KBTBD2: variants seen among roughly 807,000 people sequenced by gnomAD.
KBTBD2 encodes the protein kelch repeat and BTB domain-containing protein 2.
In KBTBD2, 17 loss-of-function variants were observed where a neutral mutation model predicts 57.1. The observed-to-expected ratio is 0.30, with a 90% CI of 0.20 to 0.45. KBTBD2 has a LOEUF of 0.45. Ranked by LOEUF, KBTBD2 falls within the 20% of genes least tolerant of loss-of-function variation. The pLI is 1.00. For synonymous variants in KBTBD2, 267 were observed against 262.7 expected (o/e 1.02, Z -0.16); for missense variants, 515 against 750.6 (o/e 0.69, Z 3.67).
chr7:32,877,347 T>A (rs1283803739), intron 2 of KBTBD2, among the ~76,000 whole-genome samples: 1 of 152,190 alleles, frequency 6.6e-6, no homozygotes. Context: ...TTCATAATAT[T>A]GTAACAGGCT....
At position 32,870,820 on chromosome 7, in the gene KBTBD2, A is replaced by G; in HGVS notation, c.397T>C (p.Cys133Arg). Residue 133 changes from cysteine to arginine, a missense_variant, in exon 4 of 4, where the codon TGT becomes CGT. Physicochemically the swap from Cys to Arg is radical, Grantham distance 180. Coordinates refer to ENST00000304056, the MANE Select transcript of KBTBD2 (RefSeq NM_015483.3). ...YLIKKINAEN[C>R]VRLLSFADLF... ...TCAGCAAAACTCAACAATCGTACAC[A>G]ATTCTCTGCATTTATTTTTTTAATT... is the stretch of plus-strand genomic sequence containing the variant. 2 of 1,605,198 alleles carry G rather than the reference A, an allele frequency of 1.2e-6. No homozygotes were observed. The highest frequency in any genetic ancestry group is 1.7e-6 in the Non-Finnish European group (2 of 1,177,762).
chr7:32,886,205 C>A (rs1348212411), intron 1 of KBTBD2, among the ~76,000 whole-genome samples: 1 of 152,132 alleles, frequency 6.6e-6, no homozygotes, highest in African/African-American at 2.4e-5. Flanking sequence ...CCACCACGTC[C>A]GGCCTCTACC....
chr7:32,887,423 AC>A (rs1784607957), intron 1 of KBTBD2, among the ~76,000 whole-genome samples: 1 of 152,252 alleles, frequency 6.6e-6, no homozygotes, highest in Non-Finnish European at 1.5e-5. Flanking sequence ...ACATGAGGTG[AC>A]AGATGTAAAT....
Position 32,870,554 on chromosome 7 carries a change from T to C in KBTBD2, c.663A>G (p.Arg221=). Reference sequence around the variant, plus strand: ...GTGTTACTTCTGAAAGTGCATCAATTCTGATTTGGCTAAGAACAGAAGACA... The same window carrying C: ...GTGTTACTTCTGAAAGTGCATCAATCCTGATTTGGCTAAGAACAGAAGACA... ...QYLSSVLSQI[R]IDALSEVTQR... Residue 221 remains arginine, a synonymous_variant, in exon 4 of 4, where the codon AGA becomes AGG. Transcript: ENST00000304056. The C allele has an allele frequency of 6.2e-7, 1 of 1,614,164 alleles. No homozygotes were observed. Among genetic ancestry groups the C allele is most frequent in the South Asian group, 1.1e-5 (1 of 91,076 alleles).
chr7:32,873,842 C>A (rs1366100692), intron 3 of KBTBD2, among the ~76,000 whole-genome samples: 1 of 152,246 alleles, frequency 6.6e-6, no homozygotes, highest in Non-Finnish European at 1.5e-5. Flanking sequence ...AACAGATTTA[C>A]ATTCCCATCA....
intron 1 of KBTBD2, among the ~76,000 whole-genome samples, chr7:32,885,004 A>ATATATATATATACACACATATATGTG (rs1562537563): frequency 2.9e-5 from 2 of 68,956 alleles, no homozygotes; most frequent in African/African-American, 3.0e-4. Flanking sequence ...ATATATGTGT[A>ATATATATATATACACACATATATGTG]TATATATATA....
At chr7:32,877,019 TTTTC>T (rs1784329305) in intron 2 of KBTBD2, among the ~76,000 whole-genome samples, 2 of 121,720 alleles carry the variant, frequency 1.6e-5, no homozygotes, top group Non-Finnish European at 3.3e-5. Context: ...GATCTGGTGC[TTTTC>T]TTTTTCTTTT....
intron 1 of KBTBD2, among the ~76,000 whole-genome samples, chr7:32,886,328 C>T (rs1443663045): frequency 6.6e-6 from 1 of 152,212 alleles, no homozygotes; most frequent in Non-Finnish European, 1.5e-5. Context: ...GCTTCTAATA[C>T]ATTTTCTCTA....
chr7:32,888,650 G>C (rs1412016426), intron 1 of KBTBD2, among the ~76,000 whole-genome samples: 1 of 148,148 alleles, frequency 6.8e-6, no homozygotes, highest in African/African-American at 2.5e-5. Flanking sequence ...AGCCGAGATC[G>C]CATCACTGCA....
At position 32,870,740 on chromosome 7, in the gene KBTBD2, C is replaced by A; in HGVS notation, c.477G>T (p.Lys159Asn). The change falls in exon 4 of 4, where the codon AAG (lysine) becomes AAT (asparagine). Residue 159 changes from lysine (K) to asparagine (N), a missense_variant. Lys to Asn is a moderately conservative substitution (Grantham distance 94). Transcript: ENST00000304056. ...KQSAKRMVEH[K>N]FTAVYHQDAF... ...CGTCCTGATGATACACAGCAGTGAA[C>A]TTGTGCTCCACCATTCTTTTAGCAC... 6.2e-7 allele frequency: 1 copy of A among 1,614,202 alleles called. No individual in the cohort carries two copies.
intron 3 of KBTBD2, among the ~76,000 whole-genome samples, chr7:32,873,301 C>T (rs1015571645): frequency 6.9e-6 from 1 of 145,566 alleles, no homozygotes; most frequent in African/African-American, 2.6e-5. Flanking sequence ...GGTCACATAG[C>T]CATTATAAAT....
rs1562540834 is a variant in KBTBD2, at chr7:32,891,674, G to A, written c.-477C>T. The A allele has an allele frequency of 6.7e-6, 1 of 149,288 alleles. No homozygotes were observed. The highest frequency in any genetic ancestry group is 2.5e-5 in the African/African-American group (1 of 40,612). 9.2% of individuals were successfully genotyped at this position (149,288 alleles called of 1,614,324 possible). The stretch of plus-strand genomic sequence containing the variant: ...GGTCTCGCCTCCGCCTCCGGCCGAG[G>A]AAGGCTGGCGCCGCCGCCTCTTCCT... On this transcript the variant is annotated 5_prime_UTR_variant, in exon 1 of 4. Transcript: ENST00000304056.
Position 32,869,813 on chromosome 7 carries a change from A to G in KBTBD2, c.1404T>C (p.Gly468=). Residue 468 remains glycine (G), a synonymous_variant, in exon 4 of 4, where the codon GGT becomes GGC. Transcript: ENST00000304056. ...SRSFASAAAF[G]DKIFYIGGLH... is the part of the protein sequence containing the mutation. ...ACCCTCCAATATAGAAAATTTTATC[A>G]CCAAAAGCTGCAGCTGAAGCAAAGG... is the stretch of plus-strand genomic sequence containing the variant. 2 of 1,613,848 alleles carry G rather than the reference A, an allele frequency of 1.2e-6. No homozygotes were observed. The highest frequency in any genetic ancestry group is 8.5e-7 in the Non-Finnish European group (1 of 1,179,998).
rs921983097 is a variant in KBTBD2 at position 32,889,883 on chromosome 7, G to A, written c.-339+1653C>T. On this transcript the variant is annotated intron_variant, in intron 1 of 3. Transcript: ENST00000304056. Reference sequence around the variant, plus strand: ...TTTAAGACTGCATTCAAGTTTCTAGGAATTCACCTTGCACATTCAATGTTC... The same window carrying A: ...TTTAAGACTGCATTCAAGTTTCTAGAAATTCACCTTGCACATTCAATGTTC... Among the ~76,000 whole-genome samples, 3 of 152,256 alleles carry A rather than the reference G, an allele frequency of 2.0e-5. No individual in the cohort carries two copies. The East Asian group carries it at 5.8e-4, about 29-fold the overall frequency.
chr7:32,879,670 G>T lies in KBTBD2; in HGVS notation c.-66C>A. 7.5e-7 allele frequency: 1 copy of T among 1,324,540 alleles called. No homozygotes were observed. Among genetic ancestry groups the T allele is most frequent in the Non-Finnish European group, 1.1e-6 (1 of 937,004 alleles). 82.0% of individuals were successfully genotyped at this position (1,324,540 alleles called of 1,614,324 possible). ...GTCCGTCTTACTGATGGAAGGTCAA[G>T]TGAATACTTCAGAAATAAAGGAGAA... On this transcript the variant is annotated 5_prime_UTR_variant, in exon 2 of 4. Coordinates refer to ENST00000304056, the MANE Select transcript of KBTBD2 (RefSeq NM_015483.3).
At chr7:32,884,195 T>C (rs1279558303) in intron 1 of KBTBD2, among the ~76,000 whole-genome samples, 1 of 152,268 alleles carries the variant, frequency 6.6e-6, no homozygotes, top group Admixed American at 6.5e-5. Context: ...TCTTAATATA[T>C]GCAATGATTA....
chr7:32,881,420 G>C (rs1425422298), intron 1 of KBTBD2, among the ~76,000 whole-genome samples: 2 of 152,140 alleles, frequency 1.3e-5, no homozygotes, highest in African/African-American at 2.4e-5. Flanking sequence ...CAACTGTTAA[G>C]ATGACCATTA....
intron 3 of KBTBD2, chr7:32,874,732 G>A (rs188760257): frequency 2.6e-4 from 75 of 288,602 alleles, no homozygotes; most frequent in African/African-American, 1.4e-3. Context: ...AGTGGCTCAC[G>A]CGTGTAATCC....
chr7:32,875,046 C>T lies in KBTBD2; in HGVS notation c.282G>A (p.Leu94=). 1 of 1,614,170 alleles carries T rather than the reference C, an allele frequency of 6.2e-7. No individual in the cohort carries two copies. The highest frequency in any genetic ancestry group is 1.3e-5 in the African/African-American group (1 of 75,048). The change falls in exon 3 of 4, where the codon TTG becomes TTA. Residue 94 remains leucine (L), a synonymous_variant. Transcript: ENST00000304056. The stretch of plus-strand genomic sequence containing the variant: ...GTTCTACAGTGCTGTCATTCATTGC[C>T]AAGTTACCCGTGTATGCATAAGTTA... ...IIITYAYTGN[L]AMNDSTVEQL... is the part of the protein sequence containing the mutation.
Sources: allele counts gnomAD v4.1 joint callset (sites outside exome capture counted in the v4.1 genomes callset), GRCh38; gene constraint gnomAD v4.1.1; transcripts MANE v1.5; gene names NCBI Gene and HGNC (gene_info 2026-07-23, HGNC 2026-07-21).